Variants in CSTPP1 observed in about 807,000 individuals in gnomAD.
CSTPP1 encodes the protein centriolar satellite-associated tubulin polyglutamylase complex regulator 1, also known as UPF0705 protein C11orf49.
At chr11:47,157,076 C>CCCA in the CSTPP1 span, 1 of 1,614,060 alleles carries the variant, frequency 6.2e-7, no homozygotes, top group Non-Finnish European at 8.5e-7. Context: ...AGGCAAGAAC[C>CCCA]CCAACACAGT....
chr11:47,080,371 C>T, the CSTPP1 span, among the ~76,000 whole-genome samples: 1 of 152,022 alleles, frequency 6.6e-6, no homozygotes, highest in African/African-American at 2.4e-5. Flanking sequence ...AGGAGAATTG[C>T]TTGAACCCGG....
the CSTPP1 span, among the ~76,000 whole-genome samples, chr11:47,075,543 T>C: frequency 6.6e-6 from 1 of 152,088 alleles, no homozygotes; most frequent in Non-Finnish European, 1.5e-5. Context: ...AAAACTGATG[T>C]ATAACTACTT....
chr11:46,964,047 T>G, the CSTPP1 span, among the ~76,000 whole-genome samples: 1 of 151,968 alleles, frequency 6.6e-6, no homozygotes, highest in Non-Finnish European at 1.5e-5. Context: ...CTCAGCAGTT[T>G]TCTATCTGGT....
the CSTPP1 span, among the ~76,000 whole-genome samples, chr11:46,991,342 A>G: frequency 5.9e-5 from 9 of 152,164 alleles, no homozygotes; most frequent in East Asian, 1.5e-3. Context: ...TTTTCAATGA[A>G]ATCTAGATTT....
chr11:46,948,063 T>C, the CSTPP1 span: 5 of 456,130 alleles, frequency 1.1e-5, no homozygotes, highest in Non-Finnish European at 2.2e-5. Context: ...ATGTAAGATA[T>C]ATGAAAGGCC....
At chr11:47,028,215 G>C in the CSTPP1 span, among the ~76,000 whole-genome samples, 1 of 152,122 alleles carries the variant, frequency 6.6e-6, no homozygotes, top group South Asian at 2.1e-4. Context: ...GAGCCATCAC[G>C]CCCGGCCACA....
chr11:47,140,737 GC>G, the CSTPP1 span, among the ~76,000 whole-genome samples: 1 of 148,172 alleles, frequency 6.7e-6, no homozygotes, highest in Non-Finnish European at 1.5e-5. Flanking sequence ...ACCACAGCCA[GC>G]CTGGGCCCAG....
chr11:46,961,469 C>T, the CSTPP1 span, among the ~76,000 whole-genome samples: 1 of 152,096 alleles, frequency 6.6e-6, no homozygotes, highest in Non-Finnish European at 1.5e-5. Context: ...TTTACATATT[C>T]TGGATACTAG....
At chr11:47,138,934 C>T in the CSTPP1 span, among the ~76,000 whole-genome samples, 2 of 117,168 alleles carry the variant, frequency 1.7e-5, no homozygotes, top group East Asian at 2.9e-4. Context: ...GAGCAGAGAT[C>T]GTGCCATTGC....
chr11:47,006,932 A>G, the CSTPP1 span, among the ~76,000 whole-genome samples: 27 of 150,398 alleles, frequency 1.8e-4, no homozygotes, highest in East Asian at 2.2e-3. Flanking sequence ...TAATTACACA[A>G]ACATTAGACC....
chr11:47,099,160 T>C, the CSTPP1 span, among the ~76,000 whole-genome samples: 1 of 152,232 alleles, frequency 6.6e-6, no homozygotes, highest in Admixed American at 6.5e-5. Flanking sequence ...AAATCTGCTT[T>C]GTAACTTTGA....
At chr11:47,131,250 G>T in the CSTPP1 span, among the ~76,000 whole-genome samples, 1 of 152,058 alleles carries the variant, frequency 6.6e-6, no homozygotes, top group Non-Finnish European at 1.5e-5. Flanking sequence ...CCTGGCAAAG[G>T]TACCATTTCC....
the CSTPP1 span, among the ~76,000 whole-genome samples, chr11:46,999,752 T>C: frequency 6.6e-6 from 1 of 152,158 alleles, no homozygotes; most frequent in Admixed American, 6.5e-5. Flanking sequence ...TCTTGAGACT[T>C]TCATATATTT....
chr11:46,973,802 G>C, the CSTPP1 span, among the ~76,000 whole-genome samples: 3 of 152,186 alleles, frequency 2.0e-5, no homozygotes, highest in East Asian at 5.8e-4. Context: ...GTGTGTGTCT[G>C]TGTGTGTCTG....
At chr11:47,000,920 C>G in the CSTPP1 span, among the ~76,000 whole-genome samples, 5 of 152,126 alleles carry the variant, frequency 3.3e-5, no homozygotes, top group Non-Finnish European at 5.9e-5. Flanking sequence ...CCTCATTTTA[C>G]TCATAAGGAA....
the CSTPP1 span, among the ~76,000 whole-genome samples, chr11:46,953,633 A>G: frequency 1.3e-5 from 2 of 152,202 alleles, no homozygotes; most frequent in Non-Finnish European, 2.9e-5. Context: ...AAGTATGGAT[A>G]TATGTTTTAT....
chr11:47,103,264 G>A, the CSTPP1 span, among the ~76,000 whole-genome samples: 1 of 152,012 alleles, frequency 6.6e-6, no homozygotes, highest in African/African-American at 2.4e-5. Context: ...TCCTGGTGTG[G>A]TGGCACATAC....
the CSTPP1 span, among the ~76,000 whole-genome samples, chr11:47,072,578 A>G: frequency 2.0e-5 from 3 of 152,214 alleles, no homozygotes; most frequent in Non-Finnish European, 4.4e-5. Context: ...TGTATAACAA[A>G]ACATATAAGG....
chr11:47,074,870 G>A, the CSTPP1 span, among the ~76,000 whole-genome samples: 2,509 of 152,224 alleles, frequency 0.016, 62 homozygotes, highest in African/African-American at 0.057. Flanking sequence ...TCATCGATTC[G>A]TTTATTCAAC....
Sources: allele counts gnomAD v4.1 joint callset (sites outside exome capture counted in the v4.1 genomes callset), GRCh38; gene constraint gnomAD v4.1.1; transcripts MANE v1.5; gene names NCBI Gene and HGNC (gene_info 2026-07-23, HGNC 2026-07-21).